Variants in AFF3 observed in about 807,000 individuals in gnomAD.
AFF3 encodes the protein AF4/FMR2 family member 3.
In AFF3, 32 loss-of-function variants were observed where a neutral mutation model predicts 129.7. The observed-to-expected ratio is 0.25, with a 90% confidence interval of 0.19 to 0.33. The LOEUF (loss-of-function observed/expected upper bound fraction) is 0.33. Ranked by LOEUF, AFF3 falls within the 10% of genes least tolerant of loss-of-function variation. The pLI is 1.00. For missense variants in AFF3, 1,373 were observed against 1,592.0 expected (o/e 0.86, Z 2.34); for synonymous variants, 644 against 635.4 (o/e 1.01, Z -0.20).
At chr2:99,747,393 G>A (rs1032572985) in intron 9 of AFF3, among the ~76,000 whole-genome samples, 2 of 152,078 alleles carry the variant, frequency 1.3e-5, no homozygotes, top group African/African-American at 2.4e-5. Context: ...GCAGTGGCAC[G>A]ATCATGGCTC....
chr2:99,978,159 C>A (rs1322639843), intron 7 of AFF3, among the ~76,000 whole-genome samples: 2 of 152,158 alleles, frequency 1.3e-5, no homozygotes, highest in Non-Finnish European at 1.5e-5. Context: ...GCCATTTCCC[C>A]TTTTAAAATG....
At chr2:99,603,930 A>G (rs537173513) in intron 13 of AFF3, among the ~76,000 whole-genome samples, 73 of 152,354 alleles carry the variant, frequency 4.8e-4, no homozygotes, top group African/African-American at 1.7e-3. Flanking sequence ...CTGAGATACC[A>G]TCTCACACCA....
At chr2:99,699,318 A>C (rs1340209062) in intron 11 of AFF3, among the ~76,000 whole-genome samples, 1 of 152,180 alleles carries the variant, frequency 6.6e-6, no homozygotes, top group East Asian at 1.9e-4. Flanking sequence ...CACTGGGGTC[A>C]GTTCAATTTC....
intron 8 of AFF3, among the ~76,000 whole-genome samples, chr2:99,784,032 A>G (rs1253278993): frequency 6.6e-6 from 1 of 152,234 alleles, no homozygotes; most frequent in Non-Finnish European, 1.5e-5. Flanking sequence ...TGTTTCTGAA[A>G]AGTATTCAAA....
intron 9 of AFF3, 105 bp from the exon 10 acceptor site, chr2:99,744,245 C>T (rs897519058): frequency 4.4e-6 from 4 of 907,800 alleles, no homozygotes; most frequent in Non-Finnish European, 6.9e-6. Flanking sequence ...CGATTCATTG[C>T]TCTCAATCTC....
At chr2:100,041,212 C>A (rs913299494) in intron 4 of AFF3, among the ~76,000 whole-genome samples, 9 of 152,200 alleles carry the variant, frequency 5.9e-5, no homozygotes, top group Non-Finnish European at 1.5e-5. Context: ...ATGGCTTCAA[C>A]CATAGCTGGA....
At chr2:99,714,108 T>G (rs1678163220) in intron 11 of AFF3, among the ~76,000 whole-genome samples, 1 of 152,174 alleles carries the variant, frequency 6.6e-6, no homozygotes, top group South Asian at 2.1e-4. Context: ...TCTATGATGG[T>G]ATCATTTCCA....
At chr2:99,977,594 G>A (rs985216674) in intron 7 of AFF3, among the ~76,000 whole-genome samples, 1 of 152,186 alleles carries the variant, frequency 6.6e-6, no homozygotes, top group African/African-American at 2.4e-5. Context: ...CAAAACAAAC[G>A]TCTCTAAGAT....
chr2:99,993,343 T>TTTCTAAC (rs1680530496), intron 7 of AFF3, among the ~76,000 whole-genome samples: 1 of 152,140 alleles, frequency 6.6e-6, no homozygotes. Flanking sequence ...AATTTCTAAC[T>TTTCTAAC]TTTTCATGAA....
At chr2:99,602,742 G>A (rs772061002) in intron 13 of AFF3, among the ~76,000 whole-genome samples, 1 of 152,200 alleles carries the variant, frequency 6.6e-6, no homozygotes, top group African/African-American at 2.4e-5. Flanking sequence ...GCTTGTGGGG[G>A]TTTACGGTCT....
At chr2:99,602,696 T>C (rs549923093) in intron 13 of AFF3, among the ~76,000 whole-genome samples, 8 of 152,324 alleles carry the variant, frequency 5.3e-5, no homozygotes, top group African/African-American at 1.2e-4. Context: ...AGTGCTTCTA[T>C]AGGACCGAGC....
At chr2:99,910,886 C>CA (rs1469569594) in intron 7 of AFF3, among the ~76,000 whole-genome samples, 1 of 152,214 alleles carries the variant, frequency 6.6e-6, no homozygotes, top group Non-Finnish European at 1.5e-5. Flanking sequence ...CTGGACAAAT[C>CA]ACATAATTAG....
In AFF3 at chr2:99,772,267, C is replaced by T. The variant is rs535746939; in HGVS notation, c.922-19966G>A. On this transcript the variant is annotated intron_variant, in intron 8 of 24. Coordinates refer to ENST00000672756, the MANE Select transcript of AFF3 (RefSeq NM_001386135.1). ...GGCAAATGGGGAGCTTTGTTCTGAC[C>T]AGGCCGTGTGCTTGGTCTGTGGGGC... 2.0e-5 allele frequency among the ~76,000 whole-genome samples: 3 copies of T among 152,144 alleles called. No individual in the cohort carries two copies. The East Asian group carries it at 5.8e-4, about 29-fold the overall frequency.
At chr2:99,572,290 A>ACCC (rs1466407708) in intron 18 of AFF3, among the ~76,000 whole-genome samples, 3 of 45,414 alleles carry the variant, frequency 6.6e-5, no homozygotes, top group East Asian at 8.3e-4. Flanking sequence ...TCCCCCTCCC[A>ACCC]CCACCCCCCC....
intron 2 of AFF3, chr2:100,110,442 G>C (rs1303082354): frequency 6.6e-6 from 1 of 152,242 alleles, no homozygotes; most frequent in African/African-American, 2.4e-5. Flanking sequence ...TGGGTGTCAG[G>C]CTCTTTTCTC....
rs1675428382 is a variant in AFF3, at chr2:99,561,122, TCTCAG to T, written c.3120-691_3120-687del. On this transcript the variant is annotated intron_variant, in intron 20 of 24. Transcript: ENST00000672756. The stretch of plus-strand genomic sequence containing the variant: ...ATGATCAGATTGTCCTAGGTTCAAA[TCTCAG>T]CTCAGCGACTTATAAGTTGTAAGTG... Among the ~76,000 whole-genome samples, 3 of 152,368 alleles carry T rather than the reference TCTCAG, an allele frequency of 2.0e-5. No individual in the cohort carries two copies. In the South Asian group the frequency reaches 6.2e-4, roughly 32 times the overall value.
chr2:99,962,291 T>A (rs1212882572), intron 7 of AFF3, among the ~76,000 whole-genome samples: 5 of 152,054 alleles, frequency 3.3e-5, no homozygotes, highest in African/African-American at 1.2e-4. Flanking sequence ...ACAACTACAG[T>A]CCACAAAAGT....
At chr2:99,810,461 G>A (rs976248320) in intron 8 of AFF3, among the ~76,000 whole-genome samples, 5 of 152,226 alleles carry the variant, frequency 3.3e-5, no homozygotes, top group Non-Finnish European at 5.9e-5. Flanking sequence ...ACTTAAGCCA[G>A]GAAATCAAGC....
intron 4 of AFF3, among the ~76,000 whole-genome samples, chr2:100,044,087 T>A (rs997200449): frequency 1.3e-5 from 2 of 152,188 alleles, no homozygotes; most frequent in African/African-American, 2.4e-5. Flanking sequence ...GATCTGGCCA[T>A]GGGGCCAGGA....
Sources: gnomAD v4.1 joint callset for allele counts (sites outside exome capture counted in the v4.1 genomes callset) on GRCh38, gnomAD v4.1.1 for gene constraint, MANE v1.5 for transcripts, NCBI Gene and HGNC (gene_info 2026-07-23, HGNC 2026-07-21) for gene names.